INTS2: variants seen among roughly 807,000 people sequenced by gnomAD.
INTS2 encodes integrator complex subunit 2.
INTS2 carries 57 observed loss-of-function variants against 139.6 expected under a neutral mutation model. The ratio of observed to expected loss-of-function variants is 0.41; its 90% CI spans 0.33 to 0.51. The LOEUF is 0.51. Ranked by LOEUF, INTS2 falls within the 20% of genes least tolerant of loss-of-function variation. The pLI is 0.28. For synonymous variants in INTS2, 473 were observed against 493.4 expected (o/e 0.96, Z 0.55); for missense variants, 1,196 against 1,436.7 (o/e 0.83, Z 2.71).
At chr17:61,888,310 C>A (rs899954005) in intron 15 of INTS2, among the ~76,000 whole-genome samples, 2 of 146,238 alleles carry the variant, frequency 1.4e-5, no homozygotes, top group Non-Finnish European at 3.0e-5. Flanking sequence ...CAAGGCTACA[C>A]TGAGCCATGT....
rs1340615947 is a variant in INTS2 at position 61,868,340 on chromosome 17, A to C, written c.3245-331T>G. On this transcript the variant is annotated intron_variant, in intron 23 of 24. Coordinates refer to ENST00000251334, the MANE Select transcript of INTS2 (RefSeq NM_001351695.2). The surrounding 1 kb of genome is among the most constrained non-coding windows in gnomAD (Gnocchi z 4.7). Reference sequence around the variant, plus strand: ...AGAGAGGTTAAGAAACTTGTTAAAGATCACAAGCCAGTTAGTGGTGGGGCT... The same window carrying C: ...AGAGAGGTTAAGAAACTTGTTAAAGCTCACAAGCCAGTTAGTGGTGGGGCT... Among the ~76,000 whole-genome samples the C allele has an allele frequency of 6.6e-6, 1 of 152,208 alleles. No individual in the cohort carries two copies. Among genetic ancestry groups the C allele is most frequent in the Non-Finnish European group, 1.5e-5 (1 of 68,002 alleles).
Position 61,868,535 on chromosome 17 carries a change from A to C in INTS2, c.3244+499T>G, listed in dbSNP as rs1211685289. ...GGTTGCATTATAGTTCATATATTTTAAAGTAGTTTATTTTCAGACCATTTT... is the reference window on the plus strand; with the variant it reads ...GGTTGCATTATAGTTCATATATTTTCAAGTAGTTTATTTTCAGACCATTTT... On this transcript the variant is annotated intron_variant, in intron 23 of 24. Coordinates refer to ENST00000251334, the MANE Select transcript of INTS2 (RefSeq NM_001351695.2). The surrounding 1 kb of genome is among the most constrained non-coding windows in gnomAD (Gnocchi z 4.7). Among the ~76,000 whole-genome samples, 1 of 152,196 alleles carries C rather than the reference A, an allele frequency of 6.6e-6. No homozygotes were observed. The highest frequency in any genetic ancestry group is 2.4e-5 in the African/African-American group (1 of 41,464).
chr17:61,899,272 A>G (rs1189885829), intron 9 of INTS2, among the ~76,000 whole-genome samples: 2 of 151,126 alleles, frequency 1.3e-5, no homozygotes, highest in African/African-American at 4.9e-5. Flanking sequence ...TTTGTTTTTG[A>G]GAAGTTTCGC....
At position 61,875,300 on chromosome 17, in the gene INTS2, C is replaced by T. The variant is rs1034192970; in HGVS notation, c.2457-262G>A. On this transcript the variant is annotated intron_variant, in intron 18 of 24. Transcript: ENST00000251334. This position sits in a 1 kb window ranked among gnomAD's most constrained non-coding sequence, Gnocchi z 4.6. Reference sequence around the variant, plus strand: ...ATAATCATGGCATATAAAATTAAAACCTGAGTTAAAACCTTAGTTATACCA... The same window carrying T: ...ATAATCATGGCATATAAAATTAAAATCTGAGTTAAAACCTTAGTTATACCA... 6.6e-6 allele frequency among the ~76,000 whole-genome samples: 1 copy of T among 152,126 alleles called. No homozygotes were observed. The highest frequency in any genetic ancestry group is 2.4e-5 in the African/African-American group (1 of 41,432).
At position 61,909,708 on chromosome 17, in the gene INTS2, T is replaced by A. The variant is rs1196979445; in HGVS notation, c.954+1812A>T. On this transcript the variant is annotated intron_variant, in intron 7 of 24. Coordinates refer to ENST00000251334, the MANE Select transcript of INTS2 (RefSeq NM_001351695.2). This position sits in a 1 kb window ranked among gnomAD's most constrained non-coding sequence, Gnocchi z 4.9. ...TTCACTTAATATAATGGCCTCCAGT[T>A]CCATCCATGTTACTGTCAGACATGA... Among the ~76,000 whole-genome samples, 2 of 152,158 alleles carry A rather than the reference T, an allele frequency of 1.3e-5. No individual in the cohort carries two copies. The highest frequency in any genetic ancestry group is 4.8e-5 in the African/African-American group (2 of 41,448).
intron 3 of INTS2, among the ~76,000 whole-genome samples, chr17:61,922,403 G>A (rs1213063361): frequency 1.4e-5 from 2 of 147,550 alleles, no homozygotes; most frequent in African/African-American, 2.5e-5. Context: ...GGGAGGTGGA[G>A]GCTGCAGTGA....
At chr17:61,904,946 A>T (rs957795324) in intron 8 of INTS2, among the ~76,000 whole-genome samples, 5 of 141,152 alleles carry the variant, frequency 3.5e-5, no homozygotes, top group East Asian at 4.1e-4. Flanking sequence ...ATAATGCATA[A>T]TTTTTTTTTT....
chr17:61,911,258 G>A, intron 7 of INTS2: 1 of 441,474 alleles, frequency 2.3e-6, no homozygotes, highest in Non-Finnish European at 3.9e-6. Flanking sequence ...CACACCAGCT[G>A]TTCCTATTTT....
Position 61,878,063 on chromosome 17 carries a change from G to A in INTS2, c.2280C>T (p.Asn760=). ...QEAFSAVPVN[N]TQVMQIIEHL... is the part of the protein sequence containing the mutation. ...GTTCTATAATCTGCATCACTTGTGT[G>A]TTATTTACTGGGACAGCTGAAAATG... is the stretch of plus-strand genomic sequence containing the variant. The change falls in exon 18 of 25, where the codon AAC becomes AAT. Residue 760 remains asparagine, a synonymous_variant. Transcript: ENST00000251334. 1 of 1,611,744 alleles carries A rather than the reference G, an allele frequency of 6.2e-7. No homozygotes were observed. The highest frequency in any genetic ancestry group is 8.5e-7 in the Non-Finnish European group (1 of 1,177,842).
chr17:61,870,669 TAGAC>T lies in INTS2; in HGVS notation c.2779-685_2779-682del, dbSNP rs1567886864. ...ATGAATACATGACATCCACCTCTGA[TAGAC>T]AGCTACTGCCTAAGGTAGAGAAAAC... On this transcript the variant is annotated intron_variant, in intron 20 of 24. Transcript: ENST00000251334. This position sits in a 1 kb window ranked among gnomAD's most constrained non-coding sequence, Gnocchi z 4.4. 1.3e-5 allele frequency among the ~76,000 whole-genome samples: 2 copies of T among 152,228 alleles called. No homozygotes were observed. Among genetic ancestry groups the T allele is most frequent in the African/African-American group, 4.8e-5 (2 of 41,456 alleles).
intron 15 of INTS2, among the ~76,000 whole-genome samples, chr17:61,889,382 T>C (rs966407451): frequency 6.6e-6 from 1 of 152,218 alleles, no homozygotes. Flanking sequence ...CCACCTCGAC[T>C]GGCCTTTTCT....
At chr17:61,890,104 T>A (rs1399252129) in intron 14 of INTS2, among the ~76,000 whole-genome samples, 2 of 152,200 alleles carry the variant, frequency 1.3e-5, no homozygotes, top group Non-Finnish European at 2.9e-5. Flanking sequence ...CATGCTTAAG[T>A]GGTCTTTAAG....
chr17:61,911,237 G>A (rs1164323500), intron 7 of INTS2: 2 of 413,044 alleles, frequency 4.8e-6, no homozygotes, highest in African/African-American at 4.1e-5. Flanking sequence ...AGGACTATAG[G>A]CACATACCAA....
At chr17:61,899,910 TAA>T (rs58001968) in intron 9 of INTS2, among the ~76,000 whole-genome samples, 211 of 138,548 alleles carry the variant, frequency 1.5e-3, no homozygotes, top group Admixed American at 1.8e-3. Context: ...AGATCCTATC[TAA>T]AAAAAAAAAA....
intron 7 of INTS2, among the ~76,000 whole-genome samples, chr17:61,908,582 G>A (rs1398744757): frequency 6.6e-6 from 1 of 152,098 alleles, no homozygotes; most frequent in East Asian, 1.9e-4. Context: ...ATGTATGAAA[G>A]CAGTTCTAAA....
At chr17:61,923,633 A>C (rs959938400) in intron 3 of INTS2, among the ~76,000 whole-genome samples, 3 of 152,168 alleles carry the variant, frequency 2.0e-5, no homozygotes, top group Admixed American at 1.3e-4. Flanking sequence ...CCCCAAAATT[A>C]TAACAGTAAA....
At chr17:61,881,384 G>C (rs2079177371) in intron 16 of INTS2, among the ~76,000 whole-genome samples, 1 of 152,104 alleles carries the variant, frequency 6.6e-6, no homozygotes, top group Non-Finnish European at 1.5e-5. Flanking sequence ...ATCACCTGAG[G>C]TCAGGAGTTC....
intron 11 of INTS2, among the ~76,000 whole-genome samples, chr17:61,896,008 G>A (rs775558493): frequency 9.2e-5 from 14 of 151,898 alleles, no homozygotes; most frequent in African/African-American, 1.9e-4. Context: ...TTGGGAGGCC[G>A]AGGAGGGCAG....
rs982964974 is a variant in INTS2, at chr17:61,875,813, T to C, written c.2457-775A>G. Among the ~76,000 whole-genome samples the C allele has an allele frequency of 2.6e-5, 4 of 152,072 alleles. No homozygotes were observed. Among genetic ancestry groups the C allele is most frequent in the African/African-American group, 9.7e-5 (4 of 41,402 alleles). On this transcript the variant is annotated intron_variant, in intron 18 of 24. Transcript: ENST00000251334. This position sits in a 1 kb window ranked among gnomAD's most constrained non-coding sequence, Gnocchi z 4.6. ...TATCCTAAAAGAATAAAGTATTTTA[T>C]ACATGAAACAAGAACAAGAGGCATT...
Sources: gnomAD v4.1 joint callset for allele counts (sites outside exome capture counted in the v4.1 genomes callset) on GRCh38, gnomAD v4.1.1 for gene constraint, Gnocchi (gnomAD v3.1) non-coding constraint, MANE v1.5 for transcripts, NCBI Gene and HGNC (gene_info 2026-07-23, HGNC 2026-07-21) for gene names.